SPIDR: variants seen among roughly 807,000 people sequenced by gnomAD.
SPIDR encodes scaffold protein involved in DNA repair.
SPIDR carries 93 observed loss-of-function variants against 104.6 expected under a neutral mutation model. The observed-to-expected ratio is 0.89, with a 90% CI of 0.75 to 1.06. The LOEUF (loss-of-function observed/expected upper bound fraction) is 1.06, where lower values mean the gene tolerates loss of function less well. SPIDR is among the 50% of genes least tolerant of loss of function. The probability of loss-of-function intolerance (pLI) is 0.00; values close to 1 mark genes in which losing one functional copy is unlikely to be tolerated. For synonymous variants in SPIDR, 431 were observed against 416.9 expected (o/e 1.03, Z -0.41); for missense variants, 1,154 against 1,111.2 (o/e 1.04, Z -0.55).
intron 8 of SPIDR, among the ~76,000 whole-genome samples, chr8:47,503,370 G>C (rs891300938): frequency 3.0e-4 from 45 of 152,276 alleles, no homozygotes; most frequent in African/African-American, 1.1e-3. Flanking sequence ...CTTGTTGAAT[G>C]ATCCCTTTAC....
At chr8:47,479,576 G>C (rs182585993) in intron 8 of SPIDR, among the ~76,000 whole-genome samples, 15 of 152,144 alleles carry the variant, frequency 9.9e-5, no homozygotes, top group Non-Finnish European at 1.2e-4. Flanking sequence ...GGGGCAGTAG[G>C]GGGGAATGCA....
At chr8:47,569,048 G>T (rs1310824342) in intron 8 of SPIDR, among the ~76,000 whole-genome samples, 1 of 152,178 alleles carries the variant, frequency 6.6e-6, no homozygotes, top group Non-Finnish European at 1.5e-5. Context: ...TACATATGAG[G>T]ACAGAAGGGG....
chr8:47,337,938 A>G (rs556193898), intron 5 of SPIDR, among the ~76,000 whole-genome samples: 3 of 152,342 alleles, frequency 2.0e-5, no homozygotes, highest in East Asian at 1.9e-4. Context: ...CCATTGGTCT[A>G]TATGTCTATC....
intron 11 of SPIDR, among the ~76,000 whole-genome samples, chr8:47,695,157 A>G (rs60573041): frequency 0.031 from 4,704 of 152,092 alleles, 193 homozygotes; most frequent in African/African-American, 0.1. Flanking sequence ...AAAAATAAAG[A>G]CTTGGCAGAA....
intron 5 of SPIDR, among the ~76,000 whole-genome samples, chr8:47,389,376 T>G (rs1554650202): frequency 6.6e-6 from 1 of 152,100 alleles, no homozygotes; most frequent in Non-Finnish European, 1.5e-5. Context: ...ATTTTTTTTG[T>G]AAGGATGATT....
chr8:47,359,087 AT>A (rs1295058535), intron 5 of SPIDR, among the ~76,000 whole-genome samples: 1 of 151,948 alleles, frequency 6.6e-6, no homozygotes, highest in African/African-American at 2.4e-5. Context: ...AGTTAAAAAA[AT>A]TGTTAAAAAA....
chr8:47,407,927 A>G lies in SPIDR; in HGVS notation c.843A>G (p.Arg281=). ...NRERSAISLW[R]HQCISYQKTL... is the part of the protein sequence containing the mutation. ...AGAGATCTGCTATTTCTTTGTGGAG[A>G]CATCAATGTATTTCTTACCAAAAGA... The change falls in exon 7 of 20, where the codon AGA becomes AGG. Residue 281 remains arginine (R), a synonymous_variant. Coordinates refer to ENST00000297423, the MANE Select transcript of SPIDR (RefSeq NM_001080394.4). 6.2e-7 allele frequency: 1 copy of G among 1,602,230 alleles called. No individual in the cohort carries two copies. The highest frequency in any genetic ancestry group is 8.5e-7 in the Non-Finnish European group (1 of 1,172,402).
At chr8:47,663,987 G>A (rs1377955860) in intron 10 of SPIDR, among the ~76,000 whole-genome samples, 1 of 152,174 alleles carries the variant, frequency 6.6e-6, no homozygotes, top group East Asian at 1.9e-4. Context: ...TCTATGAATG[G>A]AATCAAAAAT....
At chr8:47,573,434 G>A (rs759236000) in intron 8 of SPIDR, among the ~76,000 whole-genome samples, 7 of 152,168 alleles carry the variant, frequency 4.6e-5, no homozygotes, top group Non-Finnish European at 8.8e-5. Context: ...TATATTGAGG[G>A]GTCTGTCATG....
chr8:47,326,163 T>G (rs2047630721), intron 5 of SPIDR, among the ~76,000 whole-genome samples: 1 of 152,040 alleles, frequency 6.6e-6, no homozygotes, highest in East Asian at 1.9e-4. Context: ...TCCTGCTCGT[T>G]TCTGTATTTA....
intron 7 of SPIDR, among the ~76,000 whole-genome samples, chr8:47,430,911 A>C (rs1275233034): frequency 6.6e-6 from 1 of 152,206 alleles, no homozygotes; most frequent in Non-Finnish European, 1.5e-5. Context: ...GTTTTCAAGA[A>C]AGAAGAACTC....
At chr8:47,684,036 A>G (rs1474403467) in intron 11 of SPIDR, among the ~76,000 whole-genome samples, 2 of 147,936 alleles carry the variant, frequency 1.4e-5, no homozygotes, top group African/African-American at 4.9e-5. Flanking sequence ...TGAGGCAGGG[A>G]GAATTACTTG....
At chr8:47,600,232 C>T (rs529950727) in intron 10 of SPIDR, among the ~76,000 whole-genome samples, 28 of 152,222 alleles carry the variant, frequency 1.8e-4, no homozygotes, top group East Asian at 1.9e-4. Flanking sequence ...TCATCCTGGC[C>T]GGGCATGGTT....
intron 11 of SPIDR, among the ~76,000 whole-genome samples, chr8:47,688,102 A>G (rs1338926636): frequency 2.7e-5 from 4 of 150,266 alleles, no homozygotes; most frequent in African/African-American, 9.8e-5. Context: ...ATGCTTGTGC[A>G]TTCTTTGTGT....
chr8:47,322,104 T>A (rs1175924007), intron 5 of SPIDR, among the ~76,000 whole-genome samples: 1 of 152,084 alleles, frequency 6.6e-6, no homozygotes, highest in East Asian at 1.9e-4. Flanking sequence ...TAGGATCTAA[T>A]TAAACGAAAG....
In SPIDR at chr8:47,482,481, G is replaced by C. The variant is rs987599650; in HGVS notation, c.1097+41939G>C. Among the ~76,000 whole-genome samples, 3 of 152,106 alleles carry C rather than the reference G, an allele frequency of 2.0e-5. No individual in the cohort carries two copies. In the East Asian group the frequency reaches 5.8e-4, roughly 29 times the overall value. The stretch of plus-strand genomic sequence containing the variant: ...CGTCTCCTAGATGAGACCATCTCTA[G>C]CTGATGCCTTTGCTTGCATTCTCAT... On this transcript the variant is annotated intron_variant, in intron 8 of 19. Transcript: ENST00000297423.
At chr8:47,373,024 A>C (rs1554639933) in intron 5 of SPIDR, among the ~76,000 whole-genome samples, 1 of 152,178 alleles carries the variant, frequency 6.6e-6, no homozygotes, top group Non-Finnish European at 1.5e-5. Flanking sequence ...ATCTCCAAGA[A>C]TGTATTTCTT....
intron 8 of SPIDR, among the ~76,000 whole-genome samples, chr8:47,482,789 C>T (rs1344446449): frequency 1.3e-5 from 2 of 152,084 alleles, no homozygotes; most frequent in South Asian, 2.1e-4. Context: ...TTTGATGCCC[C>T]CTCCCCACCT....
intron 5 of SPIDR, among the ~76,000 whole-genome samples, chr8:47,349,056 T>G (rs1309196941): frequency 1.3e-5 from 2 of 152,240 alleles, no homozygotes; most frequent in Non-Finnish European, 2.9e-5. Context: ...TTTTCAGCTT[T>G]TCTGCTCTGG....
Sources: gnomAD v4.1 joint callset for allele counts (sites outside exome capture counted in the v4.1 genomes callset) on GRCh38, gnomAD v4.1.1 for gene constraint, MANE v1.5 for transcripts, NCBI Gene and HGNC (gene_info 2026-07-23, HGNC 2026-07-21) for gene names.